Variants in BAIAP2 observed in about 807,000 individuals in gnomAD.
BAIAP2 encodes BAR/IMD domain-containing adapter protein 2.
BAIAP2 carries 18 observed loss-of-function variants against 63.0 expected under a neutral mutation model. That is an observed-to-expected ratio of 0.29 (90% CI 0.20 to 0.42). BAIAP2 has a LOEUF of 0.42. Ranked by LOEUF, BAIAP2 falls within the 10% of genes least tolerant of loss-of-function variation. The pLI is 1.00. For synonymous variants in BAIAP2, 386 were observed against 307.6 expected, an observed-to-expected ratio of 1.25 and a Z score of -2.67; for missense variants, 610 against 734.3, an observed-to-expected ratio of 0.83 and a Z score of 1.96.
intron 6 of BAIAP2, among the ~76,000 whole-genome samples, chr17:81,095,262 C>A (rs986192976): frequency 6.6e-6 from 1 of 152,138 alleles, no homozygotes; most frequent in African/African-American, 2.4e-5. Flanking sequence ...GGCCGGGCTG[C>A]CAGGTAGGAG....
intron 6 of BAIAP2, among the ~76,000 whole-genome samples, chr17:81,099,153 C>T (rs1038397343): frequency 6.6e-6 from 1 of 152,226 alleles, no homozygotes; most frequent in Non-Finnish European, 1.5e-5. Flanking sequence ...TCTTGCTGTC[C>T]CCGTGGACGC....
At chr17:81,110,150 C>G (rs562553389) in intron 13 of BAIAP2, 1 of 985,672 alleles carries the variant, frequency 1.0e-6, no homozygotes, top group African/African-American at 1.7e-5. Context: ...AGCTGCGGCG[C>G]TCCTTTATCT....
intron 3 of BAIAP2, among the ~76,000 whole-genome samples, chr17:81,081,225 G>A (rs546385992): frequency 7.2e-5 from 11 of 152,312 alleles, no homozygotes; most frequent in African/African-American, 1.9e-4. Context: ...AGAGGTCGTG[G>A]TGTCCATCCT....
chr17:81,111,071 C>T (rs931946742), intron 13 of BAIAP2: 12 of 1,327,186 alleles, frequency 9.0e-6, no homozygotes, highest in Non-Finnish European at 1.3e-5. Flanking sequence ...CATGGCGGGG[C>T]CAGGGGTCCA....
chr17:81,040,584 C>T (rs2046944796), intron 1 of BAIAP2, among the ~76,000 whole-genome samples: 1 of 152,276 alleles, frequency 6.6e-6, no homozygotes, highest in Non-Finnish European at 1.5e-5. Flanking sequence ...GGCGGCCAGC[C>T]TGTGAGGGGC....
chr17:81,051,124 A>G (rs1164582639), intron 1 of BAIAP2, among the ~76,000 whole-genome samples: 2 of 150,694 alleles, frequency 1.3e-5, no homozygotes, highest in Non-Finnish European at 3.0e-5. Context: ...TAAAGTGTCC[A>G]GGCTCCTGGT....
Position 81,103,584 on chromosome 17 carries a change from A to C in BAIAP2, c.725A>C (p.Gln242Pro). The C allele has an allele frequency of 6.2e-7, 1 of 1,604,322 alleles. No homozygotes were observed. Among genetic ancestry groups the C allele is most frequent in the Non-Finnish European group, 8.5e-7 (1 of 1,179,328 alleles). Reference sequence around the variant, plus strand: ...AGCAAGATCCCGGAGCGCGCGGTGCAGCTCATGCAGCAGGTGGCCAGCAAC... The same window carrying C: ...AGCAAGATCCCGGAGCGCGCGGTGCCGCTCATGCAGCAGGTGGCCAGCAAC... ...DPSKIPERAV[Q>P]LMQQVASNGA... Residue 242 changes from glutamine to proline, a missense_variant, in exon 8 of 14, where the codon CAG (glutamine) becomes CCG (proline). Physicochemically the swap from Gln to Pro is moderately conservative, Grantham distance 76. Transcript: ENST00000428708.
chr17:81,067,925 C>T (rs983337858), intron 3 of BAIAP2, among the ~76,000 whole-genome samples: 1 of 152,220 alleles, frequency 6.6e-6, no homozygotes, highest in Non-Finnish European at 1.5e-5. Flanking sequence ...AGGAGCCGCT[C>T]AGCCTTCCTC....
intron 12 of BAIAP2, 104 bp downstream of exon 12, chr17:81,107,011 G>A (rs1431998579): frequency 2.9e-6 from 4 of 1,357,616 alleles, no homozygotes; most frequent in East Asian, 2.6e-5. Context: ...GCGCCTGGGG[G>A]TCTGGGTCTT....
rs2047799900 is a variant in BAIAP2 at position 81,046,311 on chromosome 17, C to G, written c.55-7357C>G. Among the ~76,000 whole-genome samples the G allele has an allele frequency of 6.6e-6, 1 of 152,152 alleles. No homozygotes were observed. Among genetic ancestry groups the G allele is most frequent in the African/African-American group, 2.4e-5 (1 of 41,416 alleles). On this transcript the variant is annotated intron_variant, in intron 1 of 13. Coordinates refer to ENST00000428708, the MANE Select transcript of BAIAP2 (RefSeq NM_001144888.2). The surrounding 1 kb of genome is among the most constrained non-coding windows in gnomAD (Gnocchi z 4.5). ...ATGTGTTTGTAGTTTGTCTCCGACT[C>G]AAACCAAGTAAGATGCAGTTCAAGA...
chr17:81,042,064 G>A (rs1403008312), intron 1 of BAIAP2, among the ~76,000 whole-genome samples: 1 of 151,694 alleles, frequency 6.6e-6, no homozygotes, highest in African/African-American at 2.4e-5. Context: ...CACCTCCTGA[G>A]TATGTCTCTG....
intron 6 of BAIAP2, among the ~76,000 whole-genome samples, chr17:81,094,426 C>T (rs1283451617): frequency 2.0e-5 from 3 of 152,156 alleles, no homozygotes; most frequent in Non-Finnish European, 2.9e-5. Flanking sequence ...AAATGGGGAC[C>T]GTCAGGGCTC....
chr17:81,093,643 G>A (rs59568032), intron 6 of BAIAP2, among the ~76,000 whole-genome samples: 9,729 of 152,190 alleles, frequency 0.064, 514 homozygotes, highest in African/African-American at 0.15. Flanking sequence ...TAATGCAGGG[G>A]GCTGGTGGGG....
chr17:81,103,472 A>ACC (rs1568176105), intron 7 of BAIAP2, 30 bp from the exon 8 acceptor site: 2 of 1,537,036 alleles, frequency 1.3e-6, no homozygotes, highest in Non-Finnish European at 1.7e-6. Flanking sequence ...GCCGGCCCTG[A>ACC]CCCCTCCCTT....
At chr17:81,056,559 C>CT (rs1327271627) in intron 2 of BAIAP2, 2 of 152,258 alleles carry the variant, frequency 1.3e-5, no homozygotes, top group Non-Finnish European at 2.9e-5. Flanking sequence ...GGGCCGGGGC[C>CT]TGTGTTCCCC....
intron 6 of BAIAP2, among the ~76,000 whole-genome samples, chr17:81,096,457 G>C (rs573203891): frequency 6.6e-6 from 1 of 152,266 alleles, no homozygotes; most frequent in African/African-American, 2.4e-5. Context: ...TCAGAGCCTG[G>C]AGGCGCACCC....
Position 81,115,786 on chromosome 17 carries a change from G to T in BAIAP2, c.1552G>T (p.Val518Phe), listed in dbSNP as rs760359913. 1 of 1,613,356 alleles carries T rather than the reference G, an allele frequency of 6.2e-7. No individual in the cohort carries two copies. Among genetic ancestry groups the T allele is most frequent in the African/African-American group, 1.3e-5 (1 of 74,936 alleles). Residue 518 changes from valine to phenylalanine, a missense_variant, in exon 14 of 14, where the codon GTC becomes TTC. By Grantham distance (50) the Val-to-Phe change is conservative. Transcript: ENST00000428708. ...CTCTTTCAGGAATCCCTTTGCCCAC[G>T]TCCAGCTGAAGCCGACAGTGACCAA... ...RSMSRNPFAH[V>F]QLKPTVTNDR...
At chr17:81,098,502 G>A (rs984858954) in intron 6 of BAIAP2, among the ~76,000 whole-genome samples, 93 of 152,084 alleles carry the variant, frequency 6.1e-4, no homozygotes, top group African/African-American at 1.9e-3. Context: ...ACAGTTCAGC[G>A]GCATTAGCGC....
chr17:81,080,941 T>C (rs942019419), intron 3 of BAIAP2, among the ~76,000 whole-genome samples: 1 of 152,256 alleles, frequency 6.6e-6, no homozygotes, highest in Non-Finnish European at 1.5e-5. Flanking sequence ...GTGAACTTGC[T>C]GGCCCCCACG....
Sources: gnomAD v4.1 joint callset for allele counts (sites outside exome capture counted in the v4.1 genomes callset) on GRCh38, gnomAD v4.1.1 for gene constraint, Gnocchi (gnomAD v3.1) non-coding constraint, MANE v1.5 for transcripts, NCBI Gene and HGNC (gene_info 2026-07-23, HGNC 2026-07-21) for gene names.